Variants in TDRP observed in about 807,000 individuals in gnomAD.
The protein encoded by TDRP is testis development related protein, also known as testis development-related protein.
In TDRP, 12 loss-of-function variants were observed where a neutral mutation model predicts 10.5. The observed-to-expected ratio is 1.15, with a 90% confidence interval of 0.73 to 1.86. The LOEUF (loss-of-function observed/expected upper bound fraction) is 1.86, where lower values mean the gene tolerates loss of function less well. TDRP is among the 40% of genes most tolerant of loss of function. TDRP has a pLI of 0.00. For synonymous variants in TDRP, 139 were observed against 95.4 expected (o/e 1.46, Z -2.67); for missense variants, 353 against 229.2 (o/e 1.54, Z -3.49).
chr8:531,957 T>C (rs1445852052), intron 1 of TDRP, among the ~76,000 whole-genome samples: 1 of 152,142 alleles, frequency 6.6e-6, no homozygotes, highest in Non-Finnish European at 1.5e-5. Context: ...GGTGGTTGCG[T>C]AATAAAATCT....
chr8:540,987 A>G (rs1427214651), intron 1 of TDRP, among the ~76,000 whole-genome samples: 1 of 152,202 alleles, frequency 6.6e-6, no homozygotes. Flanking sequence ...ATGAAACAGA[A>G]TTGAGAACTT....
intron 1 of TDRP, among the ~76,000 whole-genome samples, chr8:523,504 CT>C (rs1310031964): frequency 6.6e-6 from 1 of 152,190 alleles, no homozygotes; most frequent in Admixed American, 6.5e-5. Context: ...CCTGGGGTCC[CT>C]GATTCCAGGC....
At chr8:505,827 C>G (rs1015121949) in intron 1 of TDRP, among the ~76,000 whole-genome samples, 50 of 152,298 alleles carry the variant, frequency 3.3e-4, no homozygotes, top group African/African-American at 1.1e-3. Flanking sequence ...GAGGCAGCCA[C>G]ACAAACCCTC....
intron 1 of TDRP, among the ~76,000 whole-genome samples, chr8:512,822 A>C (rs1801653982): frequency 6.6e-6 from 1 of 151,948 alleles, no homozygotes; most frequent in Non-Finnish European, 1.5e-5. Flanking sequence ...AAATACAAAA[A>C]TTAGCTGGGC....
chr8:502,629 A>C (rs1801335783), intron 1 of TDRP, among the ~76,000 whole-genome samples: 1 of 152,242 alleles, frequency 6.6e-6, no homozygotes, highest in Non-Finnish European at 1.5e-5. Context: ...ATCCAGAGCC[A>C]CACACTGGAA....
intron 1 of TDRP, among the ~76,000 whole-genome samples, chr8:516,634 G>A (rs1356798506): frequency 6.6e-6 from 1 of 152,152 alleles, no homozygotes; most frequent in Non-Finnish European, 1.5e-5. Flanking sequence ...TGGAGCAGCA[G>A]GAACTCTCGT....
chr8:536,682 A>C (rs1337698893), intron 1 of TDRP, among the ~76,000 whole-genome samples: 1 of 152,248 alleles, frequency 6.6e-6, no homozygotes, highest in East Asian at 1.9e-4. Flanking sequence ...TGCTGAATAT[A>C]TCAAATTTTA....
chr8:511,324 G>C (rs941545365), intron 1 of TDRP, among the ~76,000 whole-genome samples: 1 of 151,662 alleles, frequency 6.6e-6, no homozygotes, highest in Admixed American at 6.7e-5. Flanking sequence ...CAAAGCTAAA[G>C]TGACTATGTA....
At chr8:527,958 C>T (rs948239415) in intron 1 of TDRP, among the ~76,000 whole-genome samples, 4 of 152,076 alleles carry the variant, frequency 2.6e-5, no homozygotes, top group African/African-American at 9.7e-5. Context: ...GACCAATCAA[C>T]AAATGGAAAG....
intron 1 of TDRP, among the ~76,000 whole-genome samples, chr8:534,461 A>C (rs117370708): frequency 7.8e-4 from 119 of 152,296 alleles, no homozygotes; most frequent in Non-Finnish European, 1.4e-3. Context: ...CCGAACTCTC[A>C]GCCACCAGCC....
At chr8:537,048 C>T (rs921580468) in intron 1 of TDRP, among the ~76,000 whole-genome samples, 1 of 152,202 alleles carries the variant, frequency 6.6e-6, no homozygotes, top group African/African-American at 2.4e-5. Flanking sequence ...CTGGAGAACT[C>T]CTGCTCCCCG....
intron 2 of TDRP, among the ~76,000 whole-genome samples, chr8:493,481 G>A (rs1801038150): frequency 6.6e-6 from 1 of 152,274 alleles, no homozygotes; most frequent in African/African-American, 2.4e-5. Context: ...GTGCACAGAA[G>A]TGCAGAGAAG....
At chr8:505,568 A>T (rs1382639888) in intron 1 of TDRP, among the ~76,000 whole-genome samples, 8 of 152,192 alleles carry the variant, frequency 5.3e-5, no homozygotes, top group Admixed American at 2.0e-4. Flanking sequence ...CCAGGAGCCA[A>T]TGTCAGCCTC....
intron 1 of TDRP, among the ~76,000 whole-genome samples, chr8:502,549 G>A (rs183965505): frequency 2.0e-5 from 3 of 152,192 alleles, no homozygotes; most frequent in Admixed American, 6.5e-5. Flanking sequence ...GCATACCTCA[G>A]CACACACAAA....
chr8:544,825 C>T lies in TDRP; in HGVS notation c.-68G>A. 1 of 1,130,304 alleles carries T rather than the reference C, an allele frequency of 8.8e-7. No individual in the cohort carries two copies. The highest frequency in any genetic ancestry group is 1.1e-6 in the Non-Finnish European group (1 of 897,834). 70.0% of individuals were successfully genotyped at this position (1,130,304 alleles called of 1,614,324 possible). On this transcript the variant is annotated 5_prime_UTR_variant, in exon 1 of 3. Transcript: ENST00000324079. ...GTGGCTCCGCGTCCCTCCCGGCCGC[C>T]GGACGCTCTGCCTGCGGCTCCTGCG... is the stretch of plus-strand genomic sequence containing the variant.
chr8:526,643 T>C (rs1024557941), intron 1 of TDRP, among the ~76,000 whole-genome samples: 3 of 152,238 alleles, frequency 2.0e-5, no homozygotes, highest in Admixed American at 1.3e-4. Context: ...ATGTTCATCA[T>C]ATTGGCCTGT....
At chr8:493,084 G>C (rs573031644) in intron 2 of TDRP, among the ~76,000 whole-genome samples, 8 of 151,996 alleles carry the variant, frequency 5.3e-5, no homozygotes, top group Non-Finnish European at 1.0e-4. Context: ...GAGAATCCAG[G>C]GTCTAGATTA....
intron 1 of TDRP, among the ~76,000 whole-genome samples, chr8:517,499 C>T (rs1048321388): frequency 6.6e-6 from 1 of 152,178 alleles, no homozygotes; most frequent in Non-Finnish European, 1.5e-5. Flanking sequence ...TTTATCTTAA[C>T]CCCAAGCATT....
chr8:531,507 G>A, intron 1 of TDRP, among the ~76,000 whole-genome samples: 1 of 152,150 alleles, frequency 6.6e-6, no homozygotes, highest in Admixed American at 6.5e-5. Flanking sequence ...AAACTGAATT[G>A]TAGGACACCC....
Sources: allele counts gnomAD v4.1 joint callset (sites outside exome capture counted in the v4.1 genomes callset), GRCh38; gene constraint gnomAD v4.1.1; transcripts MANE v1.5; gene names NCBI Gene and HGNC (gene_info 2026-07-23, HGNC 2026-07-21).